The following GRIP1 variants were observed in gnomAD, a reference collection of about 807,000 sequenced individuals.
The protein encoded by GRIP1 is glutamate receptor interacting protein 1.
In GRIP1, 45 loss-of-function variants were observed where a neutral mutation model predicts 129.9. The ratio of observed to expected loss-of-function variants is 0.35; its 90% CI spans 0.27 to 0.44. The LOEUF (loss-of-function observed/expected upper bound fraction) is 0.44. Ranked by LOEUF, GRIP1 falls within the 20% of genes least tolerant of loss-of-function variation. GRIP1 has a pLI of 1.00. For missense variants in GRIP1, 1,196 were observed against 1,396.8 expected, an observed-to-expected ratio of 0.86 and a Z score of 2.29; for synonymous variants, 530 against 520.8, an observed-to-expected ratio of 1.02 and a Z score of -0.24.
chr12:66,860,070 T>C (rs1369711209), intron 1 of GRIP1, among the ~76,000 whole-genome samples: 2 of 152,038 alleles, frequency 1.3e-5, no homozygotes, highest in African/African-American at 2.4e-5. Flanking sequence ...CTTACAAACT[T>C]TCCAAAATTT....
intron 1 of GRIP1, among the ~76,000 whole-genome samples, chr12:66,890,575 T>G (rs1866934070): frequency 6.6e-6 from 1 of 152,112 alleles, no homozygotes; most frequent in Non-Finnish European, 1.5e-5. Context: ...TGACACAACA[T>G]TCGAAAGTAC....
intron 1 of GRIP1, among the ~76,000 whole-genome samples, chr12:66,691,794 G>T: frequency 6.6e-6 from 1 of 152,098 alleles, no homozygotes; most frequent in Non-Finnish European, 1.5e-5. Flanking sequence ...TTTGCGTAGG[G>T]AAATGCAGGC....
At chr12:66,361,716 C>A (rs1288936105) in intron 23 of GRIP1, among the ~76,000 whole-genome samples, 1 of 152,304 alleles carries the variant, frequency 6.6e-6, no homozygotes, top group Middle Eastern at 3.4e-3. Context: ...GCTGCCTGCT[C>A]ACAGCACCCC....
chr12:66,543,879 G>A (rs1188248155), intron 2 of GRIP1, among the ~76,000 whole-genome samples: 3 of 151,988 alleles, frequency 2.0e-5, no homozygotes, highest in Non-Finnish European at 4.4e-5. Context: ...TTATCTTAAA[G>A]GTCTATCCAA....
chr12:66,593,748 T>C (rs2063930175), intron 2 of GRIP1, among the ~76,000 whole-genome samples: 1 of 151,990 alleles, frequency 6.6e-6, no homozygotes, highest in Admixed American at 6.5e-5. Context: ...TTAGGGGAGA[T>C]ATAGGCAAAA....
intron 1 of GRIP1, among the ~76,000 whole-genome samples, chr12:66,611,556 C>T (rs1400148477): frequency 6.6e-6 from 1 of 152,118 alleles, no homozygotes; most frequent in East Asian, 1.9e-4. Flanking sequence ...AAAGGCTGAA[C>T]TCTCATTCTG....
At chr12:66,632,435 A>G (rs1592676576) in intron 1 of GRIP1, among the ~76,000 whole-genome samples, 1 of 152,326 alleles carries the variant, frequency 6.6e-6, no homozygotes, top group East Asian at 1.9e-4. Flanking sequence ...CTTGAAGACC[A>G]CTAGCTGAGG....
At chr12:66,363,157 A>G (rs969999086) in intron 23 of GRIP1, among the ~76,000 whole-genome samples, 3 of 113,008 alleles carry the variant, frequency 2.7e-5, no homozygotes, top group African/African-American at 1.0e-4. Context: ...ACATATATAC[A>G]TATATATACA....
intron 1 of GRIP1, among the ~76,000 whole-genome samples, chr12:66,634,242 T>A (rs80195475): frequency 0.022 from 3,289 of 152,184 alleles, 58 homozygotes; most frequent in Non-Finnish European, 0.029. Context: ...ATGTGTTACA[T>A]TTTTTTTCCC....
upstream of GRIP1, among the ~76,000 whole-genome samples, chr12:66,679,760 G>A (rs1415293552): frequency 6.6e-6 from 1 of 152,128 alleles, no homozygotes; most frequent in Non-Finnish European, 1.5e-5. Context: ...ACAAGGCCAA[G>A]TATTTCTATT....
rs565673027 is a variant in GRIP1 at position 66,555,984 on chromosome 12, T to C, written c.137-14034A>G. Among the ~76,000 whole-genome samples the C allele has an allele frequency of 8.5e-5, 13 of 152,184 alleles. No individual in the cohort carries two copies. The South Asian group carries it at 2.7e-3, about 32-fold the overall frequency. On this transcript the variant is annotated intron_variant, in intron 2 of 24. Coordinates refer to ENST00000359742, the MANE Select transcript of GRIP1 (RefSeq NM_001366722.1). ...ACCTTAATGAGGATGTAGAGACAGA[T>C]AGGGATGTAGAGACAGATATTATTC...
intron 1 of GRIP1, among the ~76,000 whole-genome samples, chr12:66,815,858 C>CTTTCTTCCTT (rs1477155577): frequency 1.8e-5 from 1 of 56,346 alleles, no homozygotes; most frequent in Admixed American, 1.8e-4. Flanking sequence ...CTTTCTTTCT[C>CTTTCTTCCTT]TCTCTCTCTC....
At chr12:66,876,232 A>G (rs1247630879) in intron 1 of GRIP1, among the ~76,000 whole-genome samples, 1 of 152,022 alleles carries the variant, frequency 6.6e-6, no homozygotes, top group Non-Finnish European at 1.5e-5. Flanking sequence ...AAAGAACTTG[A>G]ATTTTATCTC....
At chr12:66,626,108 T>C (rs1211401351) in intron 1 of GRIP1, among the ~76,000 whole-genome samples, 1 of 152,102 alleles carries the variant, frequency 6.6e-6, no homozygotes, top group Admixed American at 6.6e-5. Context: ...GCAGATCAAC[T>C]GAGCTCAGGA....
chr12:66,482,369 T>C (rs1349389256), intron 7 of GRIP1, among the ~76,000 whole-genome samples: 6 of 152,310 alleles, frequency 3.9e-5, no homozygotes, highest in Admixed American at 1.3e-4. Flanking sequence ...GATTGGAATG[T>C]TTCTCATTTG....
intron 2 of GRIP1, among the ~76,000 whole-genome samples, chr12:66,545,913 A>G (rs1592525152): frequency 6.6e-6 from 1 of 152,196 alleles, no homozygotes; most frequent in Admixed American, 6.5e-5. Flanking sequence ...ACATTGTGAA[A>G]ACTAAAAAAT....
intron 7 of GRIP1, among the ~76,000 whole-genome samples, chr12:66,503,941 G>A (rs1196788001): frequency 6.6e-6 from 1 of 152,180 alleles, no homozygotes; most frequent in Non-Finnish European, 1.5e-5. Flanking sequence ...GTGTATACAA[G>A]TTAGGCTGTC....
At chr12:67,043,128 C>T (rs551238508) in intron 1 of GRIP1, among the ~76,000 whole-genome samples, 10 of 152,238 alleles carry the variant, frequency 6.6e-5, no homozygotes, top group Admixed American at 3.3e-4. Flanking sequence ...GGACTGCAGG[C>T]GAGAGTGAGG....
intron 1 of GRIP1, among the ~76,000 whole-genome samples, chr12:66,859,369 C>A (rs35121212): frequency 0.21 from 31,529 of 146,706 alleles, 3,862 homozygotes; most frequent in Non-Finnish European, 0.29. Context: ...TGTGTATGGT[C>A]CATAAGTTCC....
Sources: gnomAD v4.1 joint callset for allele counts (sites outside exome capture counted in the v4.1 genomes callset) on GRCh38, gnomAD v4.1.1 for gene constraint, MANE v1.5 for transcripts, NCBI Gene and HGNC (gene_info 2026-07-23, HGNC 2026-07-21) for gene names.